The following RYR3 variants were observed in gnomAD, a reference collection of about 807,000 sequenced individuals.
RYR3 encodes brain ryanodine receptor-calcium release channel.
RYR3 carries 207 observed loss-of-function variants against 584.3 expected under a neutral mutation model. That is an observed-to-expected ratio of 0.35 (90% CI 0.32 to 0.40). The LOEUF (loss-of-function observed/expected upper bound fraction) is 0.40. Ranked by LOEUF, RYR3 falls within the 10% of genes least tolerant of loss-of-function variation. RYR3 has a pLI of 1.00. For missense variants in RYR3, 5,616 were observed against 6,089.2 expected, an observed-to-expected ratio of 0.92 and a Z score of 2.59; for synonymous variants, 2,416 against 2,248.5, an observed-to-expected ratio of 1.07 and a Z score of -2.11.
intron 1 of RYR3, among the ~76,000 whole-genome samples, chr15:33,462,281 G>A (rs1284572444): frequency 6.6e-6 from 1 of 152,142 alleles, no homozygotes; most frequent in Non-Finnish European, 1.5e-5. Flanking sequence ...CTGACAACAT[G>A]TCAGTAAATT....
At chr15:33,505,682 TG>T (rs1477335858) in intron 3 of RYR3, among the ~76,000 whole-genome samples, 1 of 152,114 alleles carries the variant, frequency 6.6e-6, no homozygotes, top group African/African-American at 2.4e-5. Context: ...TTAGTAGAGA[TG>T]GGGTTTCACC....
intron 63 of RYR3, among the ~76,000 whole-genome samples, chr15:33,772,556 G>A (rs1888768151): frequency 6.6e-6 from 1 of 152,132 alleles, no homozygotes; most frequent in South Asian, 2.1e-4. Context: ...TGGATACCAG[G>A]AGCAAAGGAA....
chr15:33,628,816 A>AG (rs1453319519), intron 21 of RYR3, among the ~76,000 whole-genome samples: 7 of 152,202 alleles, frequency 4.6e-5, no homozygotes, highest in African/African-American at 1.7e-4. Flanking sequence ...TCTCTCCTTC[A>AG]GAAAAAAAGT....
intron 57 of RYR3, 136 bp from the exon 58 acceptor site, chr15:33,754,929 A>G: frequency 1.6e-6 from 1 of 619,920 alleles, no homozygotes; most frequent in East Asian, 2.7e-5. Context: ...AAATCAGTCA[A>G]ATGATGAGTC....
At chr15:33,556,887 T>C (rs1228009881) in intron 10 of RYR3, among the ~76,000 whole-genome samples, 1 of 152,026 alleles carries the variant, frequency 6.6e-6, no homozygotes, top group Non-Finnish European at 1.5e-5. Flanking sequence ...ACTCTGAATA[T>C]AGACCATACC....
intron 7 of RYR3, 71 bp from the exon 8 acceptor site, chr15:33,543,551 A>C: frequency 1.0e-6 from 1 of 979,008 alleles, no homozygotes; most frequent in Non-Finnish European, 1.7e-6. Flanking sequence ...GTGTGAATTT[A>C]CCCTTTTTAA....
intron 1 of RYR3, among the ~76,000 whole-genome samples, chr15:33,316,595 C>T (rs1287357275): frequency 6.6e-6 from 1 of 152,148 alleles, no homozygotes; most frequent in Non-Finnish European, 1.5e-5. Flanking sequence ...AGGTCTAGAT[C>T]ACTATCACCT....
chr15:33,838,305 G>T lies in RYR3; in HGVS notation c.12325G>T (p.Asp4109Tyr). The part of the protein sequence containing the change: ...ASQISESDSA[D>Y]RPEEEEEDED... ...TCAGATCTCTGAATCCGATTCAGCT[G>T]ACAGGCCAGAAGAGGAGGAAGAAGA... The change falls in exon 89 of 104, where the codon GAC becomes TAC. Residue 4109 changes from aspartate (D) to tyrosine (Y), a missense_variant. This residue lies in a region of RYR3 where 258 missense variants were observed against 297.3 expected (regional missense o/e 0.87). Coordinates refer to ENST00000634891, the MANE Select transcript of RYR3 (RefSeq NM_001036.6). The T allele has an allele frequency of 6.2e-7, 1 of 1,614,002 alleles. No homozygotes were observed. Among genetic ancestry groups the T allele is most frequent in the East Asian group, 2.2e-5 (1 of 44,882 alleles).
chr15:33,754,477 A>G (rs1341695989), intron 57 of RYR3, among the ~76,000 whole-genome samples: 1 of 151,960 alleles, frequency 6.6e-6, no homozygotes, highest in Non-Finnish European at 1.5e-5. Context: ...TCTTCGCCCC[A>G]CCTTAAGAAC....
chr15:33,836,663 C>T (rs911263432), intron 87 of RYR3, among the ~76,000 whole-genome samples: 1 of 152,136 alleles, frequency 6.6e-6, no homozygotes, highest in Non-Finnish European at 1.5e-5. Flanking sequence ...GTATATCTGC[C>T]ACATTGTACT....
At chr15:33,605,537 G>C (rs2059863225) in intron 18 of RYR3, among the ~76,000 whole-genome samples, 1 of 152,146 alleles carries the variant, frequency 6.6e-6, no homozygotes, top group Non-Finnish European at 1.5e-5. Context: ...TTGGCATGTA[G>C]GTGCACTCCA....
At chr15:33,509,113 G>C (rs2052740725) in intron 3 of RYR3, among the ~76,000 whole-genome samples, 1 of 152,184 alleles carries the variant, frequency 6.6e-6, no homozygotes. Flanking sequence ...TTTAGTGACA[G>C]GTGGCAACAT....
chr15:33,729,274 T>C (rs868385300), intron 47 of RYR3, among the ~76,000 whole-genome samples: 1 of 151,938 alleles, frequency 6.6e-6, no homozygotes, highest in Non-Finnish European at 1.5e-5. Flanking sequence ...TGACAGTAAA[T>C]GTTAAGGGGC....
At chr15:33,369,321 C>T (rs922908833) in intron 1 of RYR3, among the ~76,000 whole-genome samples, 4 of 152,184 alleles carry the variant, frequency 2.6e-5, no homozygotes, top group African/African-American at 9.7e-5. Context: ...AGCCATTCAG[C>T]TGTCCACAAA....
At chr15:33,380,023 C>T (rs1234387709) in intron 1 of RYR3, among the ~76,000 whole-genome samples, 5 of 152,118 alleles carry the variant, frequency 3.3e-5, no homozygotes, top group Admixed American at 2.6e-4. Context: ...GGTTATCCTA[C>T]CTGCTTTGTT....
intron 1 of RYR3, among the ~76,000 whole-genome samples, chr15:33,423,340 C>A (rs931996436): frequency 2.0e-5 from 3 of 152,050 alleles, no homozygotes; most frequent in Non-Finnish European, 4.4e-5. Context: ...AACTTCATTC[C>A]TTTTTTATAG....
chr15:33,559,940 T>C (rs1041098440), intron 10 of RYR3, among the ~76,000 whole-genome samples: 2 of 152,180 alleles, frequency 1.3e-5, no homozygotes. Context: ...TAAATAGAAG[T>C]ACTCTTAGTC....
chr15:33,698,200 G>T (rs2065999770), intron 40 of RYR3, among the ~76,000 whole-genome samples: 1 of 152,306 alleles, frequency 6.6e-6, no homozygotes, highest in African/African-American at 2.4e-5. Flanking sequence ...CTTGAAGCTT[G>T]GAGACTTTCT....
intron 3 of RYR3, among the ~76,000 whole-genome samples, chr15:33,506,749 C>T (rs1446331933): frequency 1.3e-5 from 2 of 152,076 alleles, no homozygotes; most frequent in Non-Finnish European, 2.9e-5. Flanking sequence ...CTTAGTCTTT[C>T]GTATGAAAAA....
Sources: gnomAD v4.1 joint callset for allele counts (sites outside exome capture counted in the v4.1 genomes callset) on GRCh38, gnomAD v4.1.1 for gene constraint, gnomAD v4.1.1 regional missense constraint, MANE v1.5 for transcripts, NCBI Gene and HGNC (gene_info 2026-07-23, HGNC 2026-07-21) for gene names.